The following IL1RAP variants were observed in gnomAD, a reference collection of about 807,000 sequenced individuals.
IL1RAP encodes interleukin-1 receptor accessory protein.
A neutral mutation model predicts 60.7 loss-of-function variants in IL1RAP; 35 were observed. The observed-to-expected ratio is 0.58, with a 90% CI of 0.44 to 0.76. The LOEUF (loss-of-function observed/expected upper bound fraction) is 0.76. Ranked by LOEUF, IL1RAP falls within the 30% of genes least tolerant of loss-of-function variation. IL1RAP has a pLI of 0.00. For synonymous variants in IL1RAP, 268 were observed against 250.9 expected, an observed-to-expected ratio of 1.07 and a Z score of -0.64; for missense variants, 572 against 693.9, an observed-to-expected ratio of 0.82 and a Z score of 1.97.
At chr3:190,637,696 C>T (rs912791821) in intron 9 of IL1RAP, among the ~76,000 whole-genome samples, 21 of 152,144 alleles carry the variant, frequency 1.4e-4, no homozygotes, top group Admixed American at 1.4e-3. Flanking sequence ...ATATGCATTA[C>T]CTAATATCCT....
intron 1 of IL1RAP, among the ~76,000 whole-genome samples, chr3:190,519,736 T>C (rs1386657353): frequency 6.6e-6 from 1 of 152,152 alleles, no homozygotes; most frequent in East Asian, 1.9e-4. Context: ...TATAACATCT[T>C]CTATCTCTAT....
intron 7 of IL1RAP, 73 bp from the exon 8 acceptor site, chr3:190,627,250 T>G: frequency 1.6e-6 from 2 of 1,226,548 alleles, no homozygotes; most frequent in Non-Finnish European, 1.1e-6. Flanking sequence ...AACTTTGTCT[T>G]TGTTTTTTGT....
At chr3:190,612,805 G>A (rs1485232631) in intron 5 of IL1RAP, among the ~76,000 whole-genome samples, 2 of 152,134 alleles carry the variant, frequency 1.3e-5, no homozygotes, top group Admixed American at 6.5e-5. Flanking sequence ...ATAAGTTGGG[G>A]ACCGTCTGCT....
chr3:190,596,411 G>A (rs892756947), intron 3 of IL1RAP, among the ~76,000 whole-genome samples: 4 of 151,806 alleles, frequency 2.6e-5, no homozygotes, highest in African/African-American at 7.3e-5. Flanking sequence ...CTCTGTCTCC[G>A]TTTCCTGGCA....
intron 6 of IL1RAP, among the ~76,000 whole-genome samples, chr3:190,621,288 A>G (rs538392321): frequency 2.4e-4 from 36 of 152,306 alleles, no homozygotes; most frequent in African/African-American, 8.4e-4. Flanking sequence ...GGCTTTTTCT[A>G]CTGGTCTGAC....
intron 1 of IL1RAP, among the ~76,000 whole-genome samples, chr3:190,520,876 C>T (rs1057040685): frequency 2.0e-5 from 3 of 152,122 alleles, no homozygotes; most frequent in South Asian, 2.1e-4. Flanking sequence ...ATGTTCCTTT[C>T]GTTGATAGCA....
At chr3:190,551,617 A>G (rs1449609996) in intron 1 of IL1RAP, among the ~76,000 whole-genome samples, 1 of 152,202 alleles carries the variant, frequency 6.6e-6, no homozygotes, top group African/African-American at 2.4e-5. Context: ...GTTTTGCTTG[A>G]TATTTGTGAA....
chr3:190,561,692 G>A (rs148426960), intron 2 of IL1RAP, among the ~76,000 whole-genome samples: 6 of 152,252 alleles, frequency 3.9e-5, no homozygotes, highest in African/African-American at 1.2e-4. Context: ...CTGAAATTAC[G>A]GTTCCCTGAA....
At position 190,537,658 on chromosome 3, in the gene IL1RAP, G is replaced by GA. The variant is rs753202447; in HGVS notation, c.-88-18472_-88-18471insA. 2.6e-3 allele frequency among the ~76,000 whole-genome samples: 396 copies of GA among 152,194 alleles called. 1 individual carries two copies. The highest frequency in any genetic ancestry group is 4.2e-3 in the Non-Finnish European group (289 of 68,018). On this transcript the variant is annotated intron_variant, in intron 1 of 11. Coordinates refer to ENST00000447382, the MANE Select transcript of IL1RAP (RefSeq NM_002182.4). ...CAATTATATTGAAGACTAATAATGA[G>GA]CATTTAGTAATACATATCAAAATGT...
intron 10 of IL1RAP, 34 bp downstream of exon 10, chr3:190,644,431 A>G: frequency 2.7e-6 from 4 of 1,490,112 alleles, no homozygotes; most frequent in South Asian, 1.1e-5. Context: ...AACCTCTTCT[A>G]CTGTCATCTT....
chr3:190,587,844 A>T (rs970933438), intron 3 of IL1RAP, among the ~76,000 whole-genome samples: 2 of 152,232 alleles, frequency 1.3e-5, no homozygotes, highest in African/African-American at 2.4e-5. Context: ...CTGCTGCCCA[A>T]TAGCTCTGTG....
At chr3:190,606,961 A>G (rs1226116734) in intron 4 of IL1RAP, among the ~76,000 whole-genome samples, 2 of 152,196 alleles carry the variant, frequency 1.3e-5, no homozygotes, top group East Asian at 1.9e-4. Context: ...AAAATCAGAA[A>G]ATATATCCTT....
chr3:190,562,983 A>G (rs541149573), intron 2 of IL1RAP, among the ~76,000 whole-genome samples: 1 of 152,276 alleles, frequency 6.6e-6, no homozygotes, highest in African/African-American at 2.4e-5. Context: ...TAAAAAAGGA[A>G]GCATGAACCA....
At chr3:190,599,701 GT>G (rs1191544633) in intron 3 of IL1RAP, among the ~76,000 whole-genome samples, 12,360 of 134,894 alleles carry the variant, frequency 0.092, 532 homozygotes, top group African/African-American at 0.13. Flanking sequence ...GGTATTTTGG[GT>G]TTTTTTTTTT....
At chr3:190,629,730 A>T (rs1398937721) in intron 9 of IL1RAP, 52 of 1,239,900 alleles carry the variant, frequency 4.2e-5, no homozygotes, top group Non-Finnish European at 5.2e-5. Context: ...TAGCTAAAAA[A>T]ATCGACGTGA....
intron 5 of IL1RAP, among the ~76,000 whole-genome samples, chr3:190,613,607 C>T (rs371896981): frequency 1.3e-3 from 205 of 152,180 alleles, no homozygotes; most frequent in African/African-American, 4.7e-3. Flanking sequence ...CAATATCCAA[C>T]CATGCACAGG....
chr3:190,623,931 T>G (rs1732004224), intron 7 of IL1RAP, among the ~76,000 whole-genome samples: 1 of 152,208 alleles, frequency 6.6e-6, no homozygotes, highest in African/African-American at 2.4e-5. Flanking sequence ...CAAAAATCAT[T>G]GATAACTGAC....
chr3:190,519,713 C>T (rs1298400270), intron 1 of IL1RAP, among the ~76,000 whole-genome samples: 1 of 152,112 alleles, frequency 6.6e-6, no homozygotes, highest in East Asian at 1.9e-4. Context: ...TCACAAAACC[C>T]CTTTTAAATG....
intron 6 of IL1RAP, among the ~76,000 whole-genome samples, chr3:190,623,032 G>T (rs1731915397): frequency 6.6e-6 from 1 of 152,138 alleles, no homozygotes; most frequent in Non-Finnish European, 1.5e-5. Context: ...TGTTGTGTTA[G>T]GAATTTGGGA....
Sources: allele counts gnomAD v4.1 joint callset (sites outside exome capture counted in the v4.1 genomes callset), GRCh38; gene constraint gnomAD v4.1.1; transcripts MANE v1.5; gene names NCBI Gene and HGNC (gene_info 2026-07-23, HGNC 2026-07-21).